Variants in ATP6V1E2 observed in about 807,000 individuals in gnomAD.
The protein encoded by ATP6V1E2 is V-type proton ATPase subunit E 2.
For synonymous variants in ATP6V1E2, 121 were observed against 104.2 expected (o/e 1.16, Z -0.98); for missense variants, 308 against 273.3 (o/e 1.13, Z -0.90).
chr2:46,518,490 AACAC>A (rs10546147), intron 4 of ATP6V1E2, among the ~76,000 whole-genome samples: 64,904 of 140,880 alleles, frequency 0.46, 14,580 homozygotes, highest in Middle Eastern at 0.55. Flanking sequence ...ACACACACAC[AACAC>A]ACACACACAC....
intron 2 of ATP6V1E2, among the ~76,000 whole-genome samples, chr2:46,539,669 A>G (rs1307920201): frequency 3.9e-5 from 6 of 152,190 alleles, no homozygotes; most frequent in Non-Finnish European, 8.8e-5. Context: ...CCCCAGCACC[A>G]CTAATCATGC....
chr2:46,528,901 G>A (rs1667054707), intron 4 of ATP6V1E2, among the ~76,000 whole-genome samples: 1 of 152,184 alleles, frequency 6.6e-6, no homozygotes, highest in Non-Finnish European at 1.5e-5. Flanking sequence ...AAGCCCATGG[G>A]TTTGTCTTTC....
chr2:46,513,875 T>C (rs1255063981), intron 4 of ATP6V1E2, among the ~76,000 whole-genome samples: 1 of 152,168 alleles, frequency 6.6e-6, no homozygotes, highest in African/African-American at 2.4e-5. Flanking sequence ...AAGCCTAGAC[T>C]TCCCCATTTC....
chr2:46,532,409 A>T (rs1667228525), intron 4 of ATP6V1E2, among the ~76,000 whole-genome samples: 1 of 145,782 alleles, frequency 6.9e-6, no homozygotes, highest in Admixed American at 6.9e-5. Flanking sequence ...GTATTTATGT[A>T]TGTATTTATT....
At chr2:46,529,175 T>C (rs1667065459) in intron 4 of ATP6V1E2, among the ~76,000 whole-genome samples, 1 of 152,252 alleles carries the variant, frequency 6.6e-6, no homozygotes, top group Admixed American at 6.5e-5. Context: ...CAGTGTCTAC[T>C]AGTCCTCAGC....
At chr2:46,539,483 C>G (rs551014262) in intron 2 of ATP6V1E2, among the ~76,000 whole-genome samples, 1 of 152,356 alleles carries the variant, frequency 6.6e-6, no homozygotes, top group Admixed American at 6.5e-5. Flanking sequence ...GGGACCATGC[C>G]TTTGTAGTAA....
In ATP6V1E2 at chr2:46,520,518, G is replaced by A. The variant is rs896209; in HGVS notation, c.-101-7706C>T. Among the ~76,000 whole-genome samples, 284 of 152,132 alleles carry A rather than the reference G, an allele frequency of 1.9e-3. 9 individuals carry two copies. The South Asian group carries it at 0.055, about 29-fold the overall frequency. On this transcript the variant is annotated intron_variant, in intron 4 of 4. Transcript: ENST00000522587. Reference sequence around the variant, plus strand: ...AACCCTTCACGACTGGGGCCTCCCCGCTAAAACAGCCTCATTCCCACTTAA... The same window carrying A: ...AACCCTTCACGACTGGGGCCTCCCCACTAAAACAGCCTCATTCCCACTTAA...
intron 4 of ATP6V1E2, among the ~76,000 whole-genome samples, chr2:46,514,504 G>T (rs1292235879): frequency 2.0e-5 from 3 of 152,056 alleles, no homozygotes; most frequent in Non-Finnish European, 4.4e-5. Flanking sequence ...AAATTTTGGA[G>T]CTGAAGAATA....
At chr2:46,523,961 G>C (rs908766090) in intron 4 of ATP6V1E2, among the ~76,000 whole-genome samples, 2 of 152,214 alleles carry the variant, frequency 1.3e-5, no homozygotes, top group East Asian at 1.9e-4. Context: ...CTTGTTAGCT[G>C]TGTTCCTAGG....
chr2:46,533,657 C>G (rs1264821093), intron 4 of ATP6V1E2, among the ~76,000 whole-genome samples: 1 of 152,038 alleles, frequency 6.6e-6, no homozygotes, highest in African/African-American at 2.4e-5. Flanking sequence ...TTCTGGTGCT[C>G]TTCATTTCTT....
chr2:46,537,338 G>A (rs1307496615), intron 2 of ATP6V1E2: 5 of 152,134 alleles, frequency 3.3e-5, no homozygotes, highest in African/African-American at 1.2e-4. Flanking sequence ...CAGTAGCCCA[G>A]GCCTAAGGCA....
chr2:46,519,585 C>T (rs1666499619), intron 4 of ATP6V1E2: 1 of 152,318 alleles, frequency 6.6e-6, no homozygotes, highest in Non-Finnish European at 1.5e-5. Flanking sequence ...TGGTTCTGCA[C>T]TTACCATTTG....
chr2:46,522,216 C>T (rs1243114763), intron 4 of ATP6V1E2, among the ~76,000 whole-genome samples: 1 of 148,824 alleles, frequency 6.7e-6, no homozygotes, highest in Admixed American at 6.7e-5. Flanking sequence ...CTTGAGAGGT[C>T]GAGGTTGCAG....
intron 4 of ATP6V1E2, among the ~76,000 whole-genome samples, chr2:46,527,208 C>T (rs1034454173): frequency 3.3e-5 from 5 of 151,996 alleles, no homozygotes; most frequent in African/African-American, 7.2e-5. Flanking sequence ...TGCACACCAT[C>T]GTGTCTAATT....
chr2:46,531,907 A>G (rs1217487647), intron 4 of ATP6V1E2, among the ~76,000 whole-genome samples: 2 of 152,244 alleles, frequency 1.3e-5, no homozygotes, highest in Non-Finnish European at 2.9e-5. Context: ...GTTGAATGAT[A>G]AGAGAACTTT....
chr2:46,515,302 G>T (rs980090000), intron 4 of ATP6V1E2, among the ~76,000 whole-genome samples: 1 of 152,138 alleles, frequency 6.6e-6, no homozygotes, highest in Non-Finnish European at 1.5e-5. Context: ...AGTATAAAAA[G>T]TAACCATAAC....
chr2:46,521,265 G>A (rs76785100), intron 4 of ATP6V1E2, among the ~76,000 whole-genome samples: 3,987 of 152,242 alleles, frequency 0.026, 64 homozygotes, highest in Non-Finnish European at 0.038. Flanking sequence ...TTGGGCCCTT[G>A]CCCACATGAG....
intron 4 of ATP6V1E2, among the ~76,000 whole-genome samples, chr2:46,514,269 G>A (rs1687612840): frequency 6.6e-6 from 1 of 151,344 alleles, no homozygotes; most frequent in Non-Finnish European, 1.5e-5. Flanking sequence ...ACAAGAGTGA[G>A]ACTCTGTCTC....
chr2:46,540,151 A>C (rs1300452000), intron 2 of ATP6V1E2, among the ~76,000 whole-genome samples: 2 of 152,202 alleles, frequency 1.3e-5, no homozygotes, highest in Non-Finnish European at 2.9e-5. Flanking sequence ...TCTCAGCCAG[A>C]TGCAGTGACC....
Sources: gnomAD v4.1 joint callset for allele counts (sites outside exome capture counted in the v4.1 genomes callset) on GRCh38, gnomAD v4.1.1 for gene constraint, MANE v1.5 for transcripts, NCBI Gene and HGNC (gene_info 2026-07-23, HGNC 2026-07-21) for gene names.